The following SLC44A5 variants were observed in gnomAD, a reference collection of about 807,000 sequenced individuals.
SLC44A5 encodes choline transporter-like protein 5.
Under a neutral mutation model 101.8 loss-of-function variants are expected in SLC44A5, and 57 were observed. The observed-to-expected ratio is 0.56, with a 90% CI of 0.45 to 0.70. The LOEUF (loss-of-function observed/expected upper bound fraction) is 0.70. SLC44A5 is among the 30% of genes least tolerant of loss of function. SLC44A5 has a pLI of 0.00. For missense variants in SLC44A5, 737 were observed against 853.1 expected (o/e 0.86, Z 1.70); for synonymous variants, 281 against 290.9 (o/e 0.97, Z 0.35).
intron 4 of SLC44A5, among the ~76,000 whole-genome samples, chr1:75,318,819 T>C (rs755813909): frequency 3.3e-5 from 5 of 152,186 alleles, no homozygotes; most frequent in Non-Finnish European, 7.3e-5. Flanking sequence ...CTGTCTTCTA[T>C]GGAGAACTGA....
intron 12 of SLC44A5, among the ~76,000 whole-genome samples, chr1:75,228,965 G>C (rs1647318797): frequency 6.6e-6 from 1 of 151,208 alleles, no homozygotes; most frequent in South Asian, 2.1e-4. Context: ...ATTTTATGCA[G>C]GCAAAGTTTG....
chr1:75,321,589 T>C (rs187152754), intron 4 of SLC44A5, among the ~76,000 whole-genome samples: 2 of 152,254 alleles, frequency 1.3e-5, no homozygotes, highest in Non-Finnish European at 2.9e-5. Context: ...ACCATCACAC[T>C]GAGGATTGGG....
At chr1:75,676,965 T>C in the SLC44A5 span, among the ~76,000 whole-genome samples, 3 of 152,184 alleles carry the variant, frequency 2.0e-5, no homozygotes, top group African/African-American at 7.2e-5. Flanking sequence ...TGGCATGACA[T>C]ATTTAAAGTG....
At chr1:75,310,160 A>T (rs987628544) in intron 4 of SLC44A5, among the ~76,000 whole-genome samples, 1 of 152,232 alleles carries the variant, frequency 6.6e-6, no homozygotes, top group Admixed American at 6.5e-5. Context: ...TGAAAATACC[A>T]GGAAACTTAA....
chr1:75,687,392 C>T, the SLC44A5 span, among the ~76,000 whole-genome samples: 3 of 152,184 alleles, frequency 2.0e-5, no homozygotes, highest in African/African-American at 7.2e-5. Context: ...CAACCTCCAC[C>T]TCCTGGGTTC....
intron 2 of SLC44A5, among the ~76,000 whole-genome samples, chr1:75,398,794 T>C (rs1189531411): frequency 6.6e-6 from 1 of 152,188 alleles, no homozygotes; most frequent in Non-Finnish European, 1.5e-5. Context: ...TTTTCAAAAC[T>C]TGTTTAGGAG....
At chr1:75,385,482 C>T (rs1033697154) in intron 3 of SLC44A5, among the ~76,000 whole-genome samples, 5 of 152,094 alleles carry the variant, frequency 3.3e-5, no homozygotes, top group African/African-American at 9.7e-5. Flanking sequence ...TTCCTCGACA[C>T]ATACACTCTC....
chr1:75,429,278 T>C (rs146105020), intron 2 of SLC44A5, among the ~76,000 whole-genome samples: 10 of 152,340 alleles, frequency 6.6e-5, no homozygotes, highest in African/African-American at 2.4e-4. Flanking sequence ...GTAGCAGTAC[T>C]GAATGAATGT....
Position 75,237,060 on chromosome 1 carries a change from T to C in SLC44A5, c.667A>G (p.Lys223Glu). The C allele has an allele frequency of 6.3e-7, 1 of 1,598,352 alleles. No homozygotes were observed. Among genetic ancestry groups the C allele is most frequent in the Non-Finnish European group, 8.6e-7 (1 of 1,167,748 alleles). The change falls in exon 11 of 24, where the codon AAA becomes GAA. Residue 223 changes from lysine to glutamate, a missense_variant. Around this residue, in one of 3 missense-constraint regions of SLC44A5, gnomAD observed 665 missense variants for 764.4 expected, o/e 0.87. Transcript: ENST00000370859. ...CCAAGTGACTTTGCATCAAGAAGTTTATTGATACCACTGCATTGAAAGAAG... is the reference window on the plus strand; with the variant it reads ...CCAAGTGACTTTGCATCAAGAAGTTCATTGATACCACTGCATTGAAAGAAG... ...ELGIAANGIN[K>E]LLDAKSLGLK...
At position 75,209,527 on chromosome 1, in the gene SLC44A5, A is replaced by G. The variant is rs577436849; in HGVS notation, c.2047+1941T>C. On this transcript the variant is annotated intron_variant, in intron 23 of 23. Transcript: ENST00000370859. ...ATTTTGTAGATAGATGGCTTTCCTT[A>G]GACCACTGAAGCACTAGGAAAACAT... Among the ~76,000 whole-genome samples, 4 of 152,326 alleles carry G rather than the reference A, an allele frequency of 2.6e-5. No homozygotes were observed. In the South Asian group the frequency reaches 6.2e-4, roughly 24 times the overall value.
chr1:75,581,259 A>G (rs1673682724), intron 1 of SLC44A5, among the ~76,000 whole-genome samples: 1 of 152,180 alleles, frequency 6.6e-6, no homozygotes, highest in Admixed American at 6.5e-5. Flanking sequence ...AATTTATATT[A>G]TACTATATGA....
intron 2 of SLC44A5, among the ~76,000 whole-genome samples, chr1:75,537,033 A>AAAAAAAAAAATATATAT (rs35829590): frequency 9.3e-5 from 4 of 43,038 alleles, no homozygotes; most frequent in African/African-American, 1.6e-4. Flanking sequence ...AAAAAAAAAA[A>AAAAAAAAAAATATATAT]ATATATATCT....
At chr1:75,330,627 C>A (rs1255717499) in intron 4 of SLC44A5, among the ~76,000 whole-genome samples, 1 of 152,064 alleles carries the variant, frequency 6.6e-6, no homozygotes, top group East Asian at 1.9e-4. Flanking sequence ...CCACACACCA[C>A]CATGTTCTAG....
At chr1:75,262,876 T>C (rs929049958) in intron 6 of SLC44A5, among the ~76,000 whole-genome samples, 3 of 152,178 alleles carry the variant, frequency 2.0e-5, no homozygotes, top group East Asian at 3.8e-4. Flanking sequence ...AAACAAGCAA[T>C]CTGGAAAGAA....
At chr1:75,591,394 A>G (rs1401957996) in intron 1 of SLC44A5, among the ~76,000 whole-genome samples, 3 of 152,192 alleles carry the variant, frequency 2.0e-5, no homozygotes, top group African/African-American at 7.2e-5. Context: ...AAAAACATAG[A>G]GTGGTTAAAC....
At chr1:75,668,461 A>T in the SLC44A5 span, among the ~76,000 whole-genome samples, 1 of 149,992 alleles carries the variant, frequency 6.7e-6, no homozygotes, top group African/African-American at 2.5e-5. Flanking sequence ...AGTAGCTAGG[A>T]TTACAGGTAT....
At chr1:75,486,349 G>A (rs1228015791) in intron 2 of SLC44A5, among the ~76,000 whole-genome samples, 1 of 152,084 alleles carries the variant, frequency 6.6e-6, no homozygotes, top group Non-Finnish European at 1.5e-5. Flanking sequence ...TGTGTGTGTA[G>A]AGGGAGTGAT....
At chr1:75,421,013 T>C (rs1663968424) in intron 2 of SLC44A5, among the ~76,000 whole-genome samples, 1 of 152,004 alleles carries the variant, frequency 6.6e-6, no homozygotes, top group East Asian at 1.9e-4. Context: ...GGAAATAATC[T>C]CTTTGGAATA....
At chr1:75,301,946 G>C (rs540257855) in intron 4 of SLC44A5, among the ~76,000 whole-genome samples, 20 of 152,098 alleles carry the variant, frequency 1.3e-4, no homozygotes, top group Non-Finnish European at 1.5e-4. Flanking sequence ...TCTTTACCTT[G>C]GAATAGGAAA....
Sources: allele counts gnomAD v4.1 joint callset (sites outside exome capture counted in the v4.1 genomes callset), GRCh38; gene constraint gnomAD v4.1.1; regional missense constraint gnomAD v4.1.1; transcripts MANE v1.5; gene names NCBI Gene and HGNC (gene_info 2026-07-23, HGNC 2026-07-21).